The following LAMA4 variants were observed in gnomAD, a reference collection of about 807,000 sequenced individuals.
LAMA4 encodes laminin subunit alpha-4.
LAMA4 carries 127 observed loss-of-function variants against 207.1 expected under a neutral mutation model. The ratio of observed to expected loss-of-function variants is 0.61; its 90% CI spans 0.53 to 0.71. The LOEUF is 0.71. Ranked by LOEUF, LAMA4 falls within the 30% of genes least tolerant of loss-of-function variation. The pLI, the probability that LAMA4 is intolerant of heterozygous loss-of-function variation, is 0.00. For missense variants in LAMA4, 2,093 were observed against 2,246.5 expected (o/e 0.93, Z 1.38); for synonymous variants, 761 against 816.0 (o/e 0.93, Z 1.15).
chr6:112,236,361 AACCTCCGGACT>A (rs1785921860), intron 2 of LAMA4: 1 of 152,250 alleles, frequency 6.6e-6, no homozygotes, highest in African/African-American at 2.4e-5. Context: ...TTAGATGAAT[AACCTCCGGACT>A]GCCTGGTTTG....
chr6:112,226,401 G>A (rs1351146429), intron 2 of LAMA4, among the ~76,000 whole-genome samples: 6 of 152,018 alleles, frequency 3.9e-5, no homozygotes, highest in Non-Finnish European at 7.4e-5. Flanking sequence ...GCTTTGGCCC[G>A]CCTTGCCTTT....
intron 2 of LAMA4, among the ~76,000 whole-genome samples, chr6:112,239,967 G>A (rs1786270493): frequency 6.6e-6 from 1 of 151,980 alleles, no homozygotes; most frequent in Admixed American, 6.6e-5. Context: ...GAGGCAGGAG[G>A]ATGGCGTGAA....
Position 112,136,094 on chromosome 6 carries a change from AAAACCAACC to A in LAMA4, c.3414+20_3414+28del, listed in dbSNP as rs1554331429. On this transcript the variant is annotated intron_variant, in intron 25 of 38. Coordinates refer to ENST00000230538, the MANE Select transcript of LAMA4 (RefSeq NM_001105206.3). ...AGATCTAAGTATAAAGAACAAAAAC[AAAACCAACC>A]AAACTACAATGATTTGTACCTCATG... 3.1e-6 allele frequency: 5 copies of A among 1,605,978 alleles called. No homozygotes were observed. The Admixed American group carries it at 8.3e-5, about 27-fold the overall frequency.
chr6:112,216,154 G>T (rs561430421), intron 3 of LAMA4, among the ~76,000 whole-genome samples: 1 of 152,320 alleles, frequency 6.6e-6, no homozygotes, highest in Non-Finnish European at 1.5e-5. Context: ...GAGCCTCCGG[G>T]TGCACGTGCA....
At chr6:112,205,670 C>G (rs992364555) in intron 4 of LAMA4, among the ~76,000 whole-genome samples, 1 of 151,954 alleles carries the variant, frequency 6.6e-6, no homozygotes, top group East Asian at 1.9e-4. Flanking sequence ...AGGCACCTTT[C>G]AACCATATCT....
intron 3 of LAMA4, among the ~76,000 whole-genome samples, chr6:112,207,391 T>C (rs1449160367): frequency 2.0e-5 from 3 of 152,166 alleles, no homozygotes; most frequent in African/African-American, 7.2e-5. Flanking sequence ...CTGGGGACTC[T>C]AGAGTTTGTG....
At chr6:112,174,931 T>C (rs377078961) in intron 11 of LAMA4, among the ~76,000 whole-genome samples, 1 of 152,256 alleles carries the variant, frequency 6.6e-6, no homozygotes. Flanking sequence ...ATTAAAGTCA[T>C]TCATGGTCTT....
intron 23 of LAMA4, 46 bp from the exon 24 acceptor site, chr6:112,139,337 A>G: frequency 6.2e-7 from 1 of 1,604,750 alleles, no homozygotes; most frequent in Non-Finnish European, 8.5e-7. Context: ...AGTTTCTGTT[A>G]TGCTTTTCAA....
intron 6 of LAMA4, among the ~76,000 whole-genome samples, chr6:112,190,935 CTTTCTTTCT>C (rs1783042090): frequency 2.5e-4 from 15 of 59,298 alleles, no homozygotes; most frequent in African/African-American, 4.1e-4. Flanking sequence ...TTCTTTCTTT[CTTTCTTTCT>C]TTCCTTTCTT....
intron 12 of LAMA4, among the ~76,000 whole-genome samples, chr6:112,170,852 T>C (rs1276045122): frequency 1.3e-5 from 2 of 152,266 alleles, no homozygotes; most frequent in Admixed American, 6.5e-5. Context: ...AAGTAATGCC[T>C]GAGGTAAGAC....
chr6:112,225,577 G>A (rs990126613), intron 2 of LAMA4, among the ~76,000 whole-genome samples: 4 of 152,096 alleles, frequency 2.6e-5, no homozygotes, highest in African/African-American at 9.7e-5. Flanking sequence ...GCAGATATAT[G>A]AAGTACCACA....
chr6:112,243,285 C>T (rs1274197729), intron 2 of LAMA4, among the ~76,000 whole-genome samples: 1 of 152,086 alleles, frequency 6.6e-6, no homozygotes, highest in Admixed American at 6.6e-5. Flanking sequence ...CCCTCCCCAC[C>T]CCCTACCACA....
rs1045275254 is a variant in LAMA4, at chr6:112,122,365, G to A, written c.4288-164C>T. The stretch of plus-strand genomic sequence containing the variant: ...CTCTTTCCTACCTCTAGCCCCATGA[G>A]CAAATGACAGCAGTAGCTGCAGCAG... On this transcript the variant is annotated intron_variant, in intron 31 of 38. Transcript: ENST00000230538. Among the ~76,000 whole-genome samples the A allele has an allele frequency of 2.6e-5, 4 of 152,304 alleles. 1 individual carries two copies. Among genetic ancestry groups the A allele is most frequent in the East Asian group, 3.9e-4 (2 of 5,192 alleles).
chr6:112,119,768 C>A (rs187945983), intron 33 of LAMA4, among the ~76,000 whole-genome samples: 125 of 152,268 alleles, frequency 8.2e-4, no homozygotes, highest in African/African-American at 2.9e-3. Flanking sequence ...GTTAACCAGG[C>A]CACATATAGA....
At chr6:112,191,918 T>C (rs1554349221) in intron 5 of LAMA4, 68 bp from the exon 6 acceptor site, 5 of 1,195,818 alleles carry the variant, frequency 4.2e-6, no homozygotes, top group African/African-American at 3.0e-5. Flanking sequence ...TCTTCTTTCC[T>C]ACAAAGAAGA....
rs782270833 is a variant in LAMA4, at chr6:112,114,710, A to T, written c.5159T>A (p.Val1720Asp). 6.2e-7 allele frequency: 1 copy of T among 1,613,116 alleles called. No homozygotes were observed. The highest frequency in any genetic ancestry group is 1.7e-5 in the Admixed American group (1 of 59,960). ...NNGIRDFSTS[V>D]TPKQSLCDGR... ...ATCACAGAGACTCTGCTTGGGTGTA[A>T]CTGAGGTGGAAAAATCTCTGATGCC... The change falls in exon 37 of 39, where the codon GTT becomes GAT. Residue 1720 changes from valine to aspartate, a missense_variant. By Grantham distance (152) the Val-to-Asp change is radical. Coordinates refer to ENST00000230538, the MANE Select transcript of LAMA4 (RefSeq NM_001105206.3).
At chr6:112,177,126 A>G (rs879981915) in intron 10 of LAMA4, among the ~76,000 whole-genome samples, 19 of 152,256 alleles carry the variant, frequency 1.2e-4, no homozygotes, top group African/African-American at 4.6e-4. Flanking sequence ...ATAGAAAAAG[A>G]ATATTTTGTC....
intron 5 of LAMA4, among the ~76,000 whole-genome samples, chr6:112,199,311 G>A (rs1209853423): frequency 6.6e-6 from 1 of 152,120 alleles, no homozygotes; most frequent in Non-Finnish European, 1.5e-5. Flanking sequence ...TGGTCAGCAG[G>A]GCTCTATCTA....
In LAMA4 at chr6:112,191,960, C is replaced by G; in HGVS notation, c.504-110G>C. 5 of 943,960 alleles carry G rather than the reference C, an allele frequency of 5.3e-6. No homozygotes were observed. The South Asian group carries it at 7.1e-5, about 13-fold the overall frequency. The allele number at this position is 943,960 out of a possible 1,614,324, so 58.5% of individuals were successfully genotyped here. A position where few individuals can be genotyped will look rare whatever the true frequency, so the allele number is the denominator to read the frequency against. On this transcript the variant is annotated intron_variant, in intron 5 of 38. Coordinates refer to ENST00000230538, the MANE Select transcript of LAMA4 (RefSeq NM_001105206.3). Reference sequence around the variant, plus strand: ...TAGTGGATATTTATTGATTTCCCTCCCAGAATTCATTTGCACTCTCTCATC... The same window carrying G: ...TAGTGGATATTTATTGATTTCCCTCGCAGAATTCATTTGCACTCTCTCATC...
Sources: allele counts gnomAD v4.1 joint callset (sites outside exome capture counted in the v4.1 genomes callset), GRCh38; gene constraint gnomAD v4.1.1; transcripts MANE v1.5; gene names NCBI Gene and HGNC (gene_info 2026-07-23, HGNC 2026-07-21).